The following PLEC variants were observed in gnomAD, a reference collection of about 807,000 sequenced individuals.
PLEC encodes the protein plectin, also known as hemidesmosomal protein 1.
In PLEC, 216 loss-of-function variants were observed where a neutral mutation model predicts 392.8. The observed-to-expected ratio is 0.55, with a 90% CI of 0.49 to 0.62. PLEC has a LOEUF of 0.62. PLEC is among the 20% of genes least tolerant of loss of function. The pLI is 0.00. For synonymous variants in PLEC, 3,621 were observed against 2,980.6 expected, an observed-to-expected ratio of 1.21 and a Z score of -7.00; for missense variants, 6,863 against 6,563.4, an observed-to-expected ratio of 1.05 and a Z score of -1.58.
chr8:143,973,373 C>A lies in PLEC; in HGVS notation c.70+30G>T. 1 of 1,555,484 alleles carries A rather than the reference C, an allele frequency of 6.4e-7. No individual in the cohort carries two copies. The highest frequency in any genetic ancestry group is 8.7e-7 in the Non-Finnish European group (1 of 1,150,602). ...TCGGCGGCTGGGCTGTCAGGAGCGG[C>A]CCGACAGGCAGCGGGACGGGGGGCC... On this transcript the variant is annotated intron_variant, in intron 1 of 31. Coordinates refer to the PLEC transcript ENST00000356346. The surrounding 1 kb of genome is among the most constrained non-coding windows in gnomAD (Gnocchi z 5.6).
upstream of PLEC, chr8:143,943,902 G>A (rs782091840): frequency 5.0e-6 from 8 of 1,609,656 alleles, no homozygotes; most frequent in African/African-American, 4.0e-5. Flanking sequence ...GCCGCCACGC[G>A]GAGCCGCCAG....
rs2855765 is a variant in PLEC at position 143,916,753 on chromosome 8, G to A, written c.13068C>T (p.Phe4356=). ...TGGTGCGTGGGTCCTCGAAGCCGCA[G>A]AAGGCCTTCTGGGCCAGGTTGATGC... The part of the protein sequence containing the change: ...VDRINLAQKA[F]CGFEDPRTKT... Residue 4356 remains phenylalanine (F), a synonymous_variant, in exon 32 of 32, where the codon TTC becomes TTT. Transcript: ENST00000345136. 107 of 1,613,294 alleles carry A rather than the reference G, an allele frequency of 6.6e-5. 1 individual carries two copies. The East Asian group carries it at 8.9e-4, about 13-fold the overall frequency.
chr8:143,937,024 G>C lies in PLEC; in HGVS notation c.390C>G (p.Pro130=), dbSNP rs782187697. The C allele has an allele frequency of 6.2e-7, 1 of 1,613,016 alleles. No individual in the cohort carries two copies. The highest frequency in any genetic ancestry group is 1.7e-5 in the Admixed American group (1 of 60,006). ...TCCAGATGAGGCCAAGGGTCAGCTT[G>C]GGGTTGCCGTCAGCGATGTCATCAT... ...IRNDDIADGN[P]KLTLGLIWTI... Residue 130 remains proline, a synonymous_variant, in exon 5 of 32, where the codon CCC becomes CCG. Transcript: ENST00000345136.
At position 143,920,652 on chromosome 8, in the gene PLEC, G is replaced by A. The variant is rs781845553; in HGVS notation, c.9169C>T (p.Leu3057=). Residue 3057 remains leucine (L), a synonymous_variant, in exon 32 of 32, where the codon CTG becomes TTG. Transcript: ENST00000345136. ...CCGGTGCCGGCCTGGGCTTCCAACA[G>A]GGCCACGGCCATGTCGGATGGCAGC... ...DLLPSDMAVA[L]LEAQAGTGHI... is the part of the protein sequence containing the mutation. 15 of 1,604,738 alleles carry A rather than the reference G, an allele frequency of 9.3e-6. No individual in the cohort carries two copies. The Middle Eastern group carries it at 8.2e-4, about 88-fold the overall frequency.
At chr8:143,975,282 G>A (rs782457026), upstream of PLEC, 2 of 1,610,008 alleles carry the variant, frequency 1.2e-6, no homozygotes, top group Non-Finnish European at 8.5e-7. This position sits in a 1 kb window ranked among gnomAD's most constrained non-coding sequence, Gnocchi z 9.9. Context: ...AGGTTCCAGG[G>A]CAGTGTGTCC....
chr8:143,973,820 G>T (rs1261982535), upstream of PLEC, among the ~76,000 whole-genome samples: 2 of 151,814 alleles, frequency 1.3e-5, no homozygotes, highest in African/African-American at 4.8e-5. This position sits in a 1 kb window ranked among gnomAD's most constrained non-coding sequence, Gnocchi z 5.6. Context: ...CCGCCGGGCC[G>T]GCGACCTGCC....
At position 143,925,040 on chromosome 8, in the gene PLEC, T is replaced by C. The variant is rs781881685; in HGVS notation, c.4889A>G (p.Glu1630Gly). 3 of 1,558,138 alleles carry C rather than the reference T, an allele frequency of 1.9e-6. No homozygotes were observed. Among genetic ancestry groups the C allele is most frequent in the African/African-American group, 1.4e-5 (1 of 73,704 alleles). The change falls in exon 31 of 32, where the codon GAG (glutamate) becomes GGG (glycine). Residue 1630 changes from glutamate (E) to glycine (G), a missense_variant. By Grantham distance (98) the Glu-to-Gly change is moderately conservative. Coordinates refer to ENST00000345136, the MANE Select transcript of PLEC (RefSeq NM_201384.3). ...GGCCTTGAGCTGCCAGCGCTCCAGC[T>C]CCCGCTCTGCCTCCTCGCGCGCCCG... ...AERAREEAER[E>G]LERWQLKANE...
At position 143,916,536 on chromosome 8, in the gene PLEC, C is replaced by A; in HGVS notation, c.13285G>T (p.Gly4429Cys). The change falls in exon 32 of 32, where the codon GGC becomes TGC. Residue 4429 changes from glycine to cysteine, a missense_variant. Gly to Cys is a radical substitution (Grantham distance 159). Transcript: ENST00000345136. ...CAGGTGAGGTACTTGGAGTAGGCGC[C>A]CACGTCACGCAGCTTCTGTGCGGTG... ...ARTAQKLRDV[G>C]AYSKYLTCPK... 1 of 1,611,778 alleles carries A rather than the reference C, an allele frequency of 6.2e-7. No individual in the cohort carries two copies. Among genetic ancestry groups the A allele is most frequent in the Non-Finnish European group, 8.5e-7 (1 of 1,179,496 alleles).
intron 1 of PLEC, among the ~76,000 whole-genome samples, chr8:143,960,311 A>AT (rs1288908188): frequency 6.6e-6 from 1 of 151,022 alleles, no homozygotes; most frequent in Non-Finnish European, 1.5e-5. Flanking sequence ...TAATAAAATA[A>AT]ACAATAAAAT....
At position 143,927,327 on chromosome 8, in the gene PLEC, C is replaced by T. The variant is rs1554707130; in HGVS notation, c.3765G>A (p.Leu1255=). The T allele has an allele frequency of 1.2e-5, 19 of 1,613,104 alleles. No homozygotes were observed. Among genetic ancestry groups the T allele is most frequent in the Non-Finnish European group, 1.5e-5 (18 of 1,179,942 alleles). The change falls in exon 28 of 32, where the codon CTG becomes CTA. Residue 1255 remains leucine (L), a synonymous_variant. Coordinates refer to ENST00000345136, the MANE Select transcript of PLEC (RefSeq NM_201384.3). Reference sequence around the variant, plus strand: ...TCTCGCCGTGGCGCTCGATCTCCTCCAGCAGGGCCTGGGTGATGGTGTGGT... The same window carrying T: ...TCTCGCCGTGGCGCTCGATCTCCTCTAGCAGGGCCTGGGTGATGGTGTGGT... The part of the protein sequence containing the change: ...REQLRQEQAL[L]EEIERHGEKV...
Position 143,916,926 on chromosome 8 carries a change from G to A in PLEC, c.12895C>T (p.His4299Tyr), listed in dbSNP as rs1820758402. The change falls in exon 32 of 32, where the codon CAC becomes TAC. Residue 4299 changes from histidine (H) to tyrosine (Y), a missense_variant. His to Tyr is a moderately conservative substitution (Grantham distance 83). Transcript: ENST00000345136. Reference sequence around the variant, plus strand: ...GTGATGTTATCCACCAGGTTCCGGTGCATGGCCTCGGTGATGGACACCTTC... The same window carrying A: ...GTGATGTTATCCACCAGGTTCCGGTACATGGCCTCGGTGATGGACACCTTC... ...LEKVSITEAM[H>Y]RNLVDNITGQ... 1 of 1,612,884 alleles carries A rather than the reference G, an allele frequency of 6.2e-7. No homozygotes were observed. Among genetic ancestry groups the A allele is most frequent in the Non-Finnish European group, 8.5e-7 (1 of 1,179,982 alleles).
rs1269992508 is a variant in PLEC at position 143,918,362 on chromosome 8, A to G, written c.11459T>C (p.Leu3820Pro). The change falls in exon 32 of 32, where the codon CTG becomes CCG. Residue 3820 changes from leucine to proline, a missense_variant. Coordinates refer to ENST00000345136, the MANE Select transcript of PLEC (RefSeq NM_201384.3). ...GTAGCCACGCTGGTAAGCCACCTCC[A>G]GGGGAAGGTGGAAGCCCAGGCGGGG... ...VDPRLGFHLP[L>P]EVAYQRGYLN... The G allele has an allele frequency of 2.5e-6, 4 of 1,574,002 alleles. No individual in the cohort carries two copies. Among genetic ancestry groups the G allele is most frequent in the Non-Finnish European group, 3.4e-6 (4 of 1,166,490 alleles).
upstream of PLEC, chr8:143,975,461 G>T: frequency 8.8e-7 from 1 of 1,137,438 alleles, no homozygotes; most frequent in East Asian, 2.5e-5. This position sits in a 1 kb window ranked among gnomAD's most constrained non-coding sequence, Gnocchi z 9.9. Context: ...TCTTAACCTA[G>T]ACACTGAACT....
At chr8:143,947,890 C>T (rs1554733148) in intron 1 of PLEC, among the ~76,000 whole-genome samples, 1 of 152,226 alleles carries the variant, frequency 6.6e-6, no homozygotes, top group African/African-American at 2.4e-5. Context: ...CTCTGGCCTT[C>T]CGGCCTCCCT....
At chr8:143,932,094 C>T (rs1181249953) in intron 17 of PLEC, 36 bp downstream of exon 17, 1 of 1,581,144 alleles carries the variant, frequency 6.3e-7, no homozygotes, top group Non-Finnish European at 8.6e-7. Flanking sequence ...CGGCACGGCC[C>T]CCCCCGCAGC....
Position 143,929,683 on chromosome 8 carries a change from G to T in PLEC, c.2886C>A (p.Ser962Arg). Residue 962 changes from serine (S) to arginine (R), a missense_variant, in exon 23 of 32, where the codon AGC (serine) becomes AGA (arginine). Coordinates refer to ENST00000345136, the MANE Select transcript of PLEC (RefSeq NM_201384.3). ...TCTGCAGCAGCTGCTGGTAGTGGTG[G>T]CTGCAGGAGCCGTACTCGCGCTCAG... ...LMAEREYGSC[S>R]HHYQQLLQSL... 1 of 1,599,502 alleles carries T rather than the reference G, an allele frequency of 6.3e-7. No individual in the cohort carries two copies. The highest frequency in any genetic ancestry group is 1.3e-5 in the African/African-American group (1 of 74,992).
At position 143,924,676 on chromosome 8, in the gene PLEC, C is replaced by T. The variant is rs1554698608; in HGVS notation, c.5253G>A (p.Gln1751=). 13 of 1,535,134 alleles carry T rather than the reference C, an allele frequency of 8.5e-6. 1 individual carries two copies. In the Admixed American group the frequency reaches 2.0e-4, roughly 23 times the overall value. ...CCTTGGCCAGCTCGGCTTCCAGCTC[C>T]TGCCGTTTCTGCGTGGCTGCAGCCG... ...REAAAATQKR[Q]ELEAELAKVR... Residue 1751 remains glutamine, a synonymous_variant, in exon 31 of 32, where the codon CAG becomes CAA. Transcript: ENST00000345136.
Position 143,934,910 on chromosome 8 carries a change from T to A in PLEC, c.845A>T (p.Gln282Leu), listed in dbSNP as rs1564150143. Residue 282 changes from glutamine to leucine, a missense_variant, in exon 9 of 32, where the codon CAG (glutamine) becomes CTG (leucine). By Grantham distance (113) the Gln-to-Leu change is moderately radical. Transcript: ENST00000345136. ...CAGCAGCACCAGCTCCCGGTACTCC[T>A]GCCAGCGCAGCTGCAGCTCCTGCGG... ...VRANELQLRW[Q>L]EYRELVLLLL... 1 of 1,611,316 alleles carries A rather than the reference T, an allele frequency of 6.2e-7. No homozygotes were observed. The highest frequency in any genetic ancestry group is 1.1e-5 in the South Asian group (1 of 91,064).
Position 143,923,662 on chromosome 8 carries a change from C to T in PLEC, c.6267G>A (p.Ala2089=), listed in dbSNP as rs782033629. ...CCCGGGCCTCCTCCGCCTCCTCAGCCGCCCGCCGGGCCGCCTCCGCCTCGC... is the reference window on the plus strand; with the variant it reads ...CCCGGGCCTCCTCCGCCTCCTCAGCTGCCCGCCGGGCCGCCTCCGCCTCGC... ...LRGEAEAARR[A]AEEAEEARVQ... Residue 2089 remains alanine, a synonymous_variant, in exon 31 of 32, where the codon GCG becomes GCA. Coordinates refer to ENST00000345136, the MANE Select transcript of PLEC (RefSeq NM_201384.3). 2.5e-5 allele frequency: 39 copies of T among 1,563,256 alleles called. No homozygotes were observed. Among genetic ancestry groups the T allele is most frequent in the Middle Eastern group, 1.8e-4 (1 of 5,622 alleles).
Sources: allele counts gnomAD v4.1 joint callset (sites outside exome capture counted in the v4.1 genomes callset), GRCh38; gene constraint gnomAD v4.1.1; non-coding constraint Gnocchi (gnomAD v3.1); transcripts MANE v1.5; gene names NCBI Gene and HGNC (gene_info 2026-07-23, HGNC 2026-07-21).